Variants in SYK observed in about 807,000 individuals in gnomAD.
SYK encodes tyrosine-protein kinase SYK.
In SYK, 16 loss-of-function variants were observed where a neutral mutation model predicts 77.8. The observed-to-expected ratio is 0.21, with a 90% CI of 0.14 to 0.31. The LOEUF (loss-of-function observed/expected upper bound fraction) is 0.31, where lower values mean the gene tolerates loss of function less well. Among genes scored for constraint, SYK ranks in the 10% least tolerant of loss-of-function variants. The pLI, the probability that SYK is intolerant of heterozygous loss-of-function variation, is 1.00. For missense variants in SYK, 529 were observed against 814.4 expected (o/e 0.65, Z 4.26); for synonymous variants, 312 against 308.7 (o/e 1.01, Z -0.11).
intron 1 of SYK, among the ~76,000 whole-genome samples, chr9:90,819,275 T>G (rs1481673854): frequency 1.3e-5 from 2 of 152,208 alleles, no homozygotes; most frequent in Non-Finnish European, 2.9e-5. Context: ...GCTTCTGAAT[T>G]TGTGAATTTG....
chr9:90,845,669 G>A, intron 3 of SYK, 75 bp downstream of exon 3: 1 of 1,548,258 alleles, frequency 6.5e-7, no homozygotes, highest in Non-Finnish European at 8.8e-7. Flanking sequence ...CAGCTTCCTT[G>A]TGACTGGCCC....
intron 11 of SYK, among the ~76,000 whole-genome samples, chr9:90,886,829 C>T (rs893426548): frequency 1.3e-5 from 2 of 152,294 alleles, no homozygotes; most frequent in Non-Finnish European, 2.9e-5. Flanking sequence ...ATACACTCAA[C>T]GTGCTTATCA....
At position 90,898,344 on chromosome 9, in the gene SYK, GCA is replaced by G; in HGVS notation, c.*2746_*2747del. 4.4e-6 allele frequency: 1 copy of G among 228,554 alleles called. No homozygotes were observed. The highest frequency in any genetic ancestry group is 8.7e-6 in the Non-Finnish European group (1 of 115,090). The allele number at this position is 228,554 out of a possible 1,614,324, so 14.2% of individuals were successfully genotyped here. ...TGCCTGTAGCTGCTGTATGGTGATT[GCA>G]CTTGGACATCAGTCCAATGACTGCA... On this transcript the variant is annotated 3_prime_UTR_variant, in exon 14 of 14. Coordinates refer to ENST00000375754, the MANE Select transcript of SYK (RefSeq NM_003177.7).
intron 1 of SYK, among the ~76,000 whole-genome samples, chr9:90,817,204 G>A (rs1220409581): frequency 6.6e-6 from 1 of 152,134 alleles, no homozygotes; most frequent in African/African-American, 2.4e-5. Flanking sequence ...GCACATCCCT[G>A]CTCTAGAGGT....
At chr9:90,878,089 C>T (rs1828013553) in intron 10 of SYK, among the ~76,000 whole-genome samples, 1 of 152,178 alleles carries the variant, frequency 6.6e-6, no homozygotes, top group African/African-American at 2.4e-5. Flanking sequence ...AATCTCCTTT[C>T]TCACTGGGAA....
At chr9:90,830,347 G>A (rs1292059393) in intron 1 of SYK, among the ~76,000 whole-genome samples, 1 of 152,232 alleles carries the variant, frequency 6.6e-6, no homozygotes, top group African/African-American at 2.4e-5. Context: ...GTTCCTCAGT[G>A]TTGAGGCCAC....
At chr9:90,865,179 A>T in intron 6 of SYK, 82 bp downstream of exon 6, 2 of 1,368,862 alleles carry the variant, frequency 1.5e-6, no homozygotes, top group Non-Finnish European at 2.1e-6. Context: ...TAACAGGAGT[A>T]GTAGGCATTG....
chr9:90,896,890 G>A lies in SYK; in HGVS notation c.*1290G>A. 1.0e-5 allele frequency: 2 copies of A among 196,974 alleles called. No homozygotes were observed. The highest frequency in any genetic ancestry group is 2.1e-5 in the Non-Finnish European group (2 of 94,944). The allele number at this position is 196,974 out of a possible 1,614,324, so 12.2% of individuals were successfully genotyped here. A position where few individuals can be genotyped will look rare whatever the true frequency, so the allele number is the denominator to read the frequency against. On this transcript the variant is annotated 3_prime_UTR_variant, in exon 14 of 14. Coordinates refer to ENST00000375754, the MANE Select transcript of SYK (RefSeq NM_003177.7). ...AAAAATACAAAAATTAGCCGGGCAT[G>A]GTGGCATGTGTCTGTAGTCCCAGCT...
intron 11 of SYK, among the ~76,000 whole-genome samples, chr9:90,880,917 T>C (rs1828126425): frequency 6.6e-6 from 1 of 152,216 alleles, no homozygotes; most frequent in Non-Finnish European, 1.5e-5. Flanking sequence ...ACATGGCCTC[T>C]CCTTGGGGCC....
intron 11 of SYK, among the ~76,000 whole-genome samples, chr9:90,879,953 T>G (rs957652765): frequency 6.6e-6 from 1 of 152,264 alleles, no homozygotes; most frequent in Admixed American, 6.5e-5. Context: ...TTAACTCATC[T>G]GTGGTGTATA....
chr9:90,802,208 C>G (rs1826758640), intron 1 of SYK, among the ~76,000 whole-genome samples: 1 of 151,996 alleles, frequency 6.6e-6, no homozygotes, highest in Non-Finnish European at 1.5e-5. Flanking sequence ...AAAGTGCGGT[C>G]GCGGCCCGGC....
At chr9:90,841,687 ATATGTGTGTAG>A (rs1826354946) in intron 1 of SYK, among the ~76,000 whole-genome samples, 1 of 138,928 alleles carries the variant, frequency 7.2e-6, no homozygotes, top group South Asian at 2.4e-4. Context: ...TTTGTGTGTG[ATATGTGTGTAG>A]TATGTGTGAT....
chr9:90,813,908 G>GT (rs1385225210), intron 1 of SYK, among the ~76,000 whole-genome samples: 1 of 152,152 alleles, frequency 6.6e-6, no homozygotes, highest in African/African-American at 2.4e-5. Flanking sequence ...CACATCCCCA[G>GT]TCACTAGACA....
intron 1 of SYK, among the ~76,000 whole-genome samples, chr9:90,843,345 C>G (rs1177213396): frequency 6.6e-6 from 1 of 152,200 alleles, no homozygotes; most frequent in African/African-American, 2.4e-5. Context: ...ACTGACTGCT[C>G]GAGGCAGCGT....
chr9:90,803,455 A>G (rs945917776), intron 1 of SYK, among the ~76,000 whole-genome samples: 6 of 152,168 alleles, frequency 3.9e-5, no homozygotes, highest in Non-Finnish European at 8.8e-5. Flanking sequence ...CTTAATAACT[A>G]GAAAGTTTTA....
chr9:90,878,096 G>A (rs1564115400), intron 10 of SYK, among the ~76,000 whole-genome samples: 1 of 152,064 alleles, frequency 6.6e-6, no homozygotes, highest in Non-Finnish European at 1.5e-5. Context: ...TTTCTCACTG[G>A]GAAGAACACT....
At chr9:90,861,848 G>A (rs1827277622) in intron 3 of SYK, among the ~76,000 whole-genome samples, 1 of 152,164 alleles carries the variant, frequency 6.6e-6, no homozygotes, top group Admixed American at 6.5e-5. Context: ...GGCCCGTGGT[G>A]CCCCTGTGCT....
Position 90,897,673 on chromosome 9 carries a change from G to T in SYK, c.*2073G>T, listed in dbSNP as rs200864082. 1.3e-5 allele frequency: 3 copies of T among 224,408 alleles called. No homozygotes were observed. Among genetic ancestry groups the T allele is most frequent in the Non-Finnish European group, 2.7e-5 (3 of 112,514 alleles). The allele number at this position is 224,408 out of a possible 1,614,324, so 13.9% of individuals were successfully genotyped here. A position where few individuals can be genotyped will look rare whatever the true frequency, so the allele number is the denominator to read the frequency against. ...TATCAGCACTTCTCCCCTCCCAGGA[G>T]CCTGGGGATGCCAAACATCCAGAAT... On this transcript the variant is annotated 3_prime_UTR_variant, in exon 14 of 14. Coordinates refer to ENST00000375754, the MANE Select transcript of SYK (RefSeq NM_003177.7).
At chr9:90,873,752 G>A (rs547787358) in intron 7 of SYK, among the ~76,000 whole-genome samples, 103 of 152,352 alleles carry the variant, frequency 6.8e-4, no homozygotes, top group African/African-American at 2.4e-3. Flanking sequence ...TGGGAAGTAG[G>A]TAGGAGCAGC....
Sources: gnomAD v4.1 joint callset for allele counts (sites outside exome capture counted in the v4.1 genomes callset) on GRCh38, gnomAD v4.1.1 for gene constraint, MANE v1.5 for transcripts, NCBI Gene and HGNC (gene_info 2026-07-23, HGNC 2026-07-21) for gene names.